Variants in UQCRH observed in about 807,000 individuals in gnomAD.
UQCRH encodes cytochrome b-c1 complex subunit 6, mitochondrial.
Under a neutral mutation model 16.3 loss-of-function variants are expected in UQCRH, and 14 were observed. That is an observed-to-expected ratio of 0.86 (90% CI 0.57 to 1.34). The LOEUF is 1.34. Among genes scored for constraint, UQCRH ranks in the 40% most tolerant of loss-of-function variants. UQCRH has a pLI of 0.00. For synonymous variants in UQCRH, 41 were observed against 41.9 expected (o/e 0.98, Z 0.08); for missense variants, 89 against 111.9 (o/e 0.80, Z 0.92).
rs577346943 is a variant in UQCRH at position 46,312,929 on chromosome 1, A to G, written c.243+2613A>G. ...ATACCAACTGCCCACTAGGATGGCT[A>G]TAATAAAGAAGATAACGAGTGTTGA... On this transcript the variant is annotated intron_variant, in intron 3 of 3. Transcript: ENST00000311672. Among the ~76,000 whole-genome samples the G allele has an allele frequency of 2.1e-4, 32 of 152,208 alleles. 1 individual carries two copies. The highest frequency in any genetic ancestry group is 7.2e-4 in the African/African-American group (30 of 41,496).
Position 46,316,773 on chromosome 1 carries a change from CA to C in UQCRH, c.*192del. On this transcript the variant is annotated 3_prime_UTR_variant, in exon 4 of 4. Coordinates refer to ENST00000311672, the MANE Select transcript of UQCRH (RefSeq NM_006004.4). ...ATCTAAATAAAAGTTCTATGATCTG[CA>C]AACCTGCCCGTCTTTTTTTTTTAAT... 2.9e-6 allele frequency: 2 copies of C among 696,682 alleles called. No individual in the cohort carries two copies. The highest frequency in any genetic ancestry group is 4.3e-6 in the Non-Finnish European group (2 of 463,274). 43.2% of individuals were successfully genotyped at this position (696,682 alleles called of 1,614,324 possible).
At chr1:46,315,239 G>T (rs535525137) in intron 3 of UQCRH, among the ~76,000 whole-genome samples, 1 of 152,212 alleles carries the variant, frequency 6.6e-6, no homozygotes, top group African/African-American at 2.4e-5. Context: ...GAGGTCGGGA[G>T]TTCGAGACCA....
chr1:46,311,275 G>C (rs1017302810), intron 3 of UQCRH, among the ~76,000 whole-genome samples: 1 of 148,612 alleles, frequency 6.7e-6, no homozygotes, highest in Non-Finnish European at 1.5e-5. Context: ...AAAATAATTT[G>C]TATTGGCCGG....
rs1322033356 is a variant in UQCRH at position 46,305,811 on chromosome 1, A to AT, written c.54+2003dup. 2.6e-3 allele frequency among the ~76,000 whole-genome samples: 371 copies of AT among 140,136 alleles called. 3 individuals are homozygous for AT. Among genetic ancestry groups the AT allele is most frequent in the African/African-American group, 6.5e-3 (248 of 38,120 alleles). The allele number at this position is 140,136 out of a possible 152,430, so 91.9% of individuals were successfully genotyped here. A position where few individuals can be genotyped will look rare whatever the true frequency, so the allele number is the denominator to read the frequency against. Reference sequence around the variant, plus strand: ...TATGGTATTCTATGAGGAACCCATAATTTTTTTTTTTTGAGACGGAATCTT... The same window carrying AT: ...TATGGTATTCTATGAGGAACCCATAATTTTTTTTTTTTTGAGACGGAATCTT... On this transcript the variant is annotated intron_variant, in intron 1 of 3. Coordinates refer to ENST00000311672, the MANE Select transcript of UQCRH (RefSeq NM_006004.4).
At chr1:46,308,275 C>G (rs1661409843) in intron 1 of UQCRH, among the ~76,000 whole-genome samples, 1 of 152,068 alleles carries the variant, frequency 6.6e-6, no homozygotes, top group African/African-American at 2.4e-5. Context: ...AGGGATATGC[C>G]ACACAAAAAA....
At chr1:46,309,775 C>A in intron 2 of UQCRH, 1 of 984,378 alleles carries the variant, frequency 1.0e-6, no homozygotes, top group South Asian at 2.1e-5. Flanking sequence ...AGGCCTGGTT[C>A]TCAGACAAGG....
chr1:46,316,446 G>C (rs1661584306), intron 3 of UQCRH, 106 bp from the exon 4 acceptor site: 1 of 1,453,682 alleles, frequency 6.9e-7, no homozygotes, highest in South Asian at 1.2e-5. Flanking sequence ...ATGTGAGAAG[G>C]GGAGTGGTGA....
chr1:46,307,157 G>C (rs1171239753), intron 1 of UQCRH, among the ~76,000 whole-genome samples: 3 of 152,130 alleles, frequency 2.0e-5, no homozygotes, highest in Non-Finnish European at 4.4e-5. Context: ...TGATTCTCCT[G>C]CCTCAGCCTC....
chr1:46,315,202 T>C (rs1386345507), intron 3 of UQCRH, among the ~76,000 whole-genome samples: 1 of 152,120 alleles, frequency 6.6e-6, no homozygotes, highest in African/African-American at 2.4e-5. Context: ...CCCAGCACTT[T>C]CAGAGGCTGA....
intron 3 of UQCRH, among the ~76,000 whole-genome samples, chr1:46,310,795 C>T (rs918785366): frequency 2.0e-5 from 3 of 151,926 alleles, no homozygotes; most frequent in Admixed American, 6.6e-5. Context: ...GCCTAGGGCG[C>T]GGTGGCTCAT....
intron 3 of UQCRH, among the ~76,000 whole-genome samples, chr1:46,311,732 G>A (rs1311336562): frequency 2.0e-5 from 3 of 146,614 alleles, no homozygotes; most frequent in African/African-American, 7.5e-5. Context: ...AGCTGGGACC[G>A]CAGGCGCCCG....
intron 1 of UQCRH, among the ~76,000 whole-genome samples, chr1:46,308,709 C>A (rs770518285): frequency 6.6e-6 from 1 of 152,116 alleles, no homozygotes; most frequent in Non-Finnish European, 1.5e-5. Context: ...AGGCATGTGG[C>A]GTGTGCTTAT....
intron 1 of UQCRH, 38 bp downstream of exon 1, chr1:46,303,858 C>A: frequency 1.2e-6 from 2 of 1,613,920 alleles, no homozygotes; most frequent in Non-Finnish European, 1.7e-6. Context: ...CTTCTCTGCC[C>A]TGAAGCCCAG....
intron 3 of UQCRH, 91 bp from the exon 4 acceptor site, chr1:46,316,461 A>ATCTC: frequency 1.3e-6 from 2 of 1,552,040 alleles, no homozygotes; most frequent in Admixed American, 1.8e-5. Flanking sequence ...TGGTGAGAAG[A>ATCTC]GGGGCAGTAC....
intron 3 of UQCRH, among the ~76,000 whole-genome samples, chr1:46,313,135 C>G (rs995077137): frequency 1.3e-5 from 2 of 152,144 alleles, no homozygotes; most frequent in Non-Finnish European, 2.9e-5. Context: ...CACATAAAAA[C>G]TTGTACACAA....
intron 2 of UQCRH, chr1:46,309,762 C>T: frequency 5.3e-6 from 4 of 756,962 alleles, no homozygotes; most frequent in Admixed American, 4.6e-5. Flanking sequence ...AGCTGGGGTG[C>T]ATAGGCCTGG....
chr1:46,305,065 A>C (rs1173864698), intron 1 of UQCRH, among the ~76,000 whole-genome samples: 2 of 150,820 alleles, frequency 1.3e-5, no homozygotes, highest in Admixed American at 6.6e-5. Context: ...TGTAATCCCA[A>C]CACTTTAGGA....
At chr1:46,313,167 A>G (rs1406071966) in intron 3 of UQCRH, among the ~76,000 whole-genome samples, 1 of 152,160 alleles carries the variant, frequency 6.6e-6, no homozygotes, top group Admixed American at 6.6e-5. Flanking sequence ...AGCATTATTT[A>G]TACTACCCAA....
At chr1:46,316,152 T>G (rs1449940107) in intron 3 of UQCRH, among the ~76,000 whole-genome samples, 6 of 152,214 alleles carry the variant, frequency 3.9e-5, no homozygotes, top group Admixed American at 2.0e-4. Context: ...ACCCTGTAAG[T>G]TTCTTAAGTG....
Sources: allele counts gnomAD v4.1 joint callset (sites outside exome capture counted in the v4.1 genomes callset), GRCh38; gene constraint gnomAD v4.1.1; transcripts MANE v1.5; gene names NCBI Gene and HGNC (gene_info 2026-07-23, HGNC 2026-07-21).